The following GRK5 variants were observed in gnomAD, a reference collection of about 807,000 sequenced individuals.
GRK5 encodes the protein G protein-coupled receptor kinase 5, also known as g protein-coupled receptor kinase GRK5.
In GRK5, 40 loss-of-function variants were observed where a neutral mutation model predicts 78.4. That is an observed-to-expected ratio of 0.51 (90% confidence interval 0.40 to 0.66). The LOEUF (loss-of-function observed/expected upper bound fraction) is 0.66. GRK5 is among the 30% of genes least tolerant of loss of function. The pLI is 0.00. For missense variants in GRK5, 598 were observed against 759.9 expected (o/e 0.79, Z 2.50); for synonymous variants, 289 against 296.8 (o/e 0.97, Z 0.27).
At chr10:119,394,226 G>GTA (rs2133847403) in intron 3 of GRK5, among the ~76,000 whole-genome samples, 1 of 94,136 alleles carries the variant, frequency 1.1e-5, no homozygotes, top group East Asian at 2.6e-4. Flanking sequence ...GTACGTGTGG[G>GTA]TGTGGGTGTG....
intron 2 of GRK5, among the ~76,000 whole-genome samples, chr10:119,332,698 C>G (rs192126041): frequency 3.8e-4 from 58 of 152,288 alleles, no homozygotes; most frequent in African/African-American, 1.2e-3. Flanking sequence ...TGGCCCTCAC[C>G]TTCATCTTGG....
chr10:119,278,534 T>G (rs1271625364), intron 1 of GRK5, among the ~76,000 whole-genome samples: 2 of 152,218 alleles, frequency 1.3e-5, no homozygotes, highest in African/African-American at 4.8e-5. Context: ...CTGAGCTGAC[T>G]GCTAGTTGGA....
intron 1 of GRK5, among the ~76,000 whole-genome samples, chr10:119,313,100 GGTA>G (rs1438683521): frequency 7.7e-6 from 1 of 129,770 alleles, no homozygotes; most frequent in African/African-American, 2.9e-5. Flanking sequence ...TGGTGGTGAT[GGTA>G]ATGATGGTAG....
chr10:119,242,637 G>A (rs574008880), intron 1 of GRK5, among the ~76,000 whole-genome samples: 1 of 151,700 alleles, frequency 6.6e-6, no homozygotes, highest in East Asian at 1.9e-4. Flanking sequence ...ACGTATCAAG[G>A]GAGGGACAAG....
chr10:119,275,895 C>T (rs1161106398), intron 1 of GRK5, among the ~76,000 whole-genome samples: 1 of 152,118 alleles, frequency 6.6e-6, no homozygotes, highest in East Asian at 1.9e-4. Flanking sequence ...GTTTGGGGAC[C>T]GTCTCGCTAA....
chr10:119,292,290 T>TTTCTCCTCCTCTTCCTCC (rs1298734089), intron 1 of GRK5, among the ~76,000 whole-genome samples: 1 of 112,398 alleles, frequency 8.9e-6, no homozygotes, highest in Non-Finnish European at 1.9e-5. Context: ...CCTCTTCCTC[T>TTTCTCCTCCTCTTCCTCC]TTCTCCTCCT....
At chr10:119,376,524 G>C (rs1851622963) in intron 2 of GRK5, among the ~76,000 whole-genome samples, 1 of 151,216 alleles carries the variant, frequency 6.6e-6, no homozygotes, top group Non-Finnish European at 1.5e-5. Context: ...TGGATACTTA[G>C]GGGCCGAGGA....
Position 119,207,867 on chromosome 10 carries a change from C to G in GRK5, c.-51C>G. ...AGCGGCAGCAGCAGCGGCAGCACCC[C>G]AGGCGCTGACAGCCCCGCCGGCCGG... On this transcript the variant is annotated 5_prime_UTR_variant, in exon 1 of 16. Transcript: ENST00000392870. 6.5e-7 allele frequency: 1 copy of G among 1,533,064 alleles called. No homozygotes were observed. The highest frequency in any genetic ancestry group is 1.2e-5 in the South Asian group (1 of 84,186). 95.0% of individuals were successfully genotyped at this position (1,533,064 alleles called of 1,614,324 possible). A position where few individuals can be genotyped will look rare whatever the true frequency, so the allele number is the denominator to read the frequency against.
intron 4 of GRK5, among the ~76,000 whole-genome samples, chr10:119,408,010 G>T (rs746981054): frequency 1.3e-5 from 2 of 151,776 alleles, no homozygotes; most frequent in Admixed American, 6.6e-5. Context: ...TTAAAAATAC[G>T]AAATTAACCG....
chr10:119,425,406 C>G (rs1249876142), intron 6 of GRK5, among the ~76,000 whole-genome samples: 1 of 152,184 alleles, frequency 6.6e-6, no homozygotes, highest in East Asian at 1.9e-4. Flanking sequence ...GTTGCACATC[C>G]TTGATTTAAT....
At chr10:119,418,143 G>A (rs968772294) in intron 4 of GRK5, among the ~76,000 whole-genome samples, 1 of 152,202 alleles carries the variant, frequency 6.6e-6, no homozygotes, top group Non-Finnish European at 1.5e-5. Flanking sequence ...GCGGCCCCAG[G>A]TTCCTCCAGT....
chr10:119,394,108 TGTGG>T (rs1352634897), intron 3 of GRK5, among the ~76,000 whole-genome samples: 3 of 32,776 alleles, frequency 9.2e-5, no homozygotes, highest in African/African-American at 3.8e-4. Flanking sequence ...TCTGCGTCTG[TGTGG>T]GGGGTGTGTG....
intron 4 of GRK5, among the ~76,000 whole-genome samples, chr10:119,415,292 G>A (rs916224204): frequency 2.0e-5 from 3 of 152,146 alleles, no homozygotes; most frequent in East Asian, 1.9e-4. Flanking sequence ...GGGAAGGAAC[G>A]AAGGGACCAA....
chr10:119,421,986 A>G (rs150805646), intron 4 of GRK5, among the ~76,000 whole-genome samples: 2 of 152,090 alleles, frequency 1.3e-5, no homozygotes, highest in Non-Finnish European at 2.9e-5. Context: ...CATCCAGTGG[A>G]CTCTTAGCAA....
chr10:119,291,611 C>T (rs1442894727), intron 1 of GRK5, among the ~76,000 whole-genome samples: 3 of 144,954 alleles, frequency 2.1e-5, no homozygotes, highest in Middle Eastern at 3.4e-3. Flanking sequence ...TCTTCCTCCT[C>T]CTCTTCTTCC....
chr10:119,429,005 G>A (rs779887233), intron 6 of GRK5, among the ~76,000 whole-genome samples: 1 of 152,198 alleles, frequency 6.6e-6, no homozygotes, highest in South Asian at 2.1e-4. Flanking sequence ...TGTGGTTTCC[G>A]GGGGCGGCTG....
intron 4 of GRK5, 135 bp from the exon 5 acceptor site, chr10:119,423,031 A>G: frequency 1.4e-6 from 1 of 693,448 alleles, no homozygotes; most frequent in Non-Finnish European, 2.6e-6. Flanking sequence ...CAGGTCACAC[A>G]CTGGGGCACA....
chr10:119,296,793 A>G (rs1000905540), intron 1 of GRK5, among the ~76,000 whole-genome samples: 1 of 152,248 alleles, frequency 6.6e-6, no homozygotes, highest in African/African-American at 2.4e-5. Flanking sequence ...AGACAAGTCA[A>G]TTAAAGCTGC....
chr10:119,335,158 CTCTCTCTCTCTCTCTCT>C, intron 2 of GRK5, among the ~76,000 whole-genome samples: 1 of 141,606 alleles, frequency 7.1e-6, no homozygotes, highest in African/African-American at 2.8e-5. Flanking sequence ...CTCTCTCTCT[CTCTCTCTCTCTCTCTCT>C]CCCCCTCTCC....
Sources: allele counts gnomAD v4.1 joint callset (sites outside exome capture counted in the v4.1 genomes callset), GRCh38; gene constraint gnomAD v4.1.1; transcripts MANE v1.5; gene names NCBI Gene and HGNC (gene_info 2026-07-23, HGNC 2026-07-21).